The following CLASP1 variants were observed in gnomAD, a reference collection of about 807,000 sequenced individuals.
CLASP1 encodes CLIP-associating protein 1.
A neutral mutation model predicts 192.3 loss-of-function variants in CLASP1; 38 were observed. That is an observed-to-expected ratio of 0.20 (90% CI 0.15 to 0.26). The LOEUF is 0.26. CLASP1 is among the 10% of genes least tolerant of loss of function. The pLI is 1.00. For synonymous variants in CLASP1, 691 were observed against 712.8 expected (o/e 0.97, Z 0.49); for missense variants, 1,433 against 1,932.5 (o/e 0.74, Z 4.85).
chr2:121,392,670 T>C (rs887211126), intron 30 of CLASP1, among the ~76,000 whole-genome samples: 1 of 152,206 alleles, frequency 6.6e-6, no homozygotes, highest in African/African-American at 2.4e-5. Context: ...CAGAGGCAGA[T>C]GTCAAATGGA....
At chr2:121,424,507 AAGTT>A (rs1489899509) in intron 22 of CLASP1, among the ~76,000 whole-genome samples, 3 of 152,220 alleles carry the variant, frequency 2.0e-5, no homozygotes, top group Admixed American at 6.5e-5. Context: ...TATATTTAAA[AAGTT>A]AGCGTATGAA....
At chr2:121,499,937 T>C (rs2093676297) in intron 8 of CLASP1, among the ~76,000 whole-genome samples, 1 of 152,156 alleles carries the variant, frequency 6.6e-6, no homozygotes, top group Non-Finnish European at 1.5e-5. Flanking sequence ...CAGACGAGGA[T>C]GTCCTGTCTC....
chr2:121,623,083 A>C (rs181415022), intron 1 of CLASP1, among the ~76,000 whole-genome samples: 1 of 151,978 alleles, frequency 6.6e-6, no homozygotes, highest in East Asian at 1.9e-4. Context: ...TATATATATA[A>C]ATTTTAAAAA....
chr2:121,340,226 C>T (rs1465463001), exon 40 of CLASP1: 2 of 152,204 alleles, frequency 1.3e-5, no homozygotes, highest in African/African-American at 4.8e-5. Flanking sequence ...TGTCAGGGTG[C>T]ACTCCCAATT....
intron 22 of CLASP1, among the ~76,000 whole-genome samples, chr2:121,419,813 C>T (rs2079189262): frequency 6.6e-6 from 1 of 152,090 alleles, no homozygotes; most frequent in African/African-American, 2.4e-5. Context: ...GGACAATATA[C>T]GTTTCCATCC....
intron 6 of CLASP1, among the ~76,000 whole-genome samples, chr2:121,516,847 T>G (rs113947804): frequency 0.039 from 5,858 of 151,604 alleles, 153 homozygotes; most frequent in East Asian, 0.14. Flanking sequence ...GCCAACATGG[T>G]GAAACCTTGT....
intron 2 of CLASP1, among the ~76,000 whole-genome samples, chr2:121,531,439 C>T (rs560163711): frequency 3.3e-5 from 5 of 150,368 alleles, no homozygotes; most frequent in South Asian, 4.2e-4. Context: ...CCTAAAAATA[C>T]AAAAAATTAG....
intron 12 of CLASP1, 62 bp downstream of exon 12, chr2:121,459,918 A>G (rs1255150129): frequency 6.8e-7 from 1 of 1,468,020 alleles, no homozygotes; most frequent in Admixed American, 2.2e-5. Context: ...TCAAGGAGAC[A>G]TCTCTGAAGC....
At chr2:121,380,331 C>G (rs1001226559) in intron 33 of CLASP1, among the ~76,000 whole-genome samples, 2 of 152,160 alleles carry the variant, frequency 1.3e-5, no homozygotes, top group African/African-American at 4.8e-5. Flanking sequence ...TGTCTTGTTT[C>G]AGCCCTGAGA....
rs369131758 is a variant in CLASP1, at chr2:121,582,161, G to T, written c.195+23540C>A. On this transcript the variant is annotated intron_variant, in intron 2 of 39. Transcript: ENST00000263710. ...CTGGGCGACAGATAATCTGTAGAAA[G>T]AAAGAAGAAAGGAAGGAAAAAAAGG... Among the ~76,000 whole-genome samples the T allele has an allele frequency of 5.0e-4, 75 of 148,860 alleles. 1 individual carries two copies. The South Asian group carries it at 5.9e-3, about 12-fold the overall frequency.
chr2:121,606,517 G>A (rs2064432826), intron 1 of CLASP1, among the ~76,000 whole-genome samples: 1 of 152,086 alleles, frequency 6.6e-6, no homozygotes, highest in Non-Finnish European at 1.5e-5. Context: ...TTTCCCACCA[G>A]AAATCTAACA....
intron 34 of CLASP1, among the ~76,000 whole-genome samples, chr2:121,375,499 GA>G: frequency 6.6e-6 from 1 of 151,908 alleles, no homozygotes; most frequent in African/African-American, 2.4e-5. Flanking sequence ...GAGTAGCTGG[GA>G]CTACAGGTGT....
chr2:121,612,406 G>A (rs116071256), intron 1 of CLASP1, among the ~76,000 whole-genome samples: 3,090 of 151,818 alleles, frequency 0.02, 61 homozygotes, highest in Non-Finnish European at 0.035. Context: ...GGAGTTGGAG[G>A]AGGAGGATTT....
At chr2:121,401,649 A>C (rs1293852513) in exon 28 of CLASP1, 1 of 1,611,128 alleles carries the variant, frequency 6.2e-7, no homozygotes, top group Admixed American at 1.7e-5. Context: ...AATCCACAAG[A>C]GTCTCCAAAA....
At position 121,467,485 on chromosome 2, in the gene CLASP1, T is replaced by G. The variant is rs182288233; in HGVS notation, c.865+2323A>C. 4.9e-3 allele frequency among the ~76,000 whole-genome samples: 748 copies of G among 152,318 alleles called. 8 individuals carry two copies. The highest frequency in any genetic ancestry group is 0.017 in the African/African-American group (725 of 41,578). Reference sequence around the variant, plus strand: ...CGCCAGCATCTATTGTTTTTCTGAATTTTTAATAATAGCCATTCTGACTGG... The same window carrying G: ...CGCCAGCATCTATTGTTTTTCTGAAGTTTTAATAATAGCCATTCTGACTGG... On this transcript the variant is annotated intron_variant, in intron 9 of 39. Transcript: ENST00000263710.
intron 30 of CLASP1, among the ~76,000 whole-genome samples, chr2:121,393,855 G>A (rs1190154320): frequency 6.7e-5 from 10 of 150,144 alleles, no homozygotes; most frequent in East Asian, 1.9e-4. Flanking sequence ...TTAGAGCCAC[G>A]GATATCTTGG....
intron 1 of CLASP1, among the ~76,000 whole-genome samples, chr2:121,627,594 T>C (rs954005579): frequency 6.6e-6 from 1 of 152,242 alleles, no homozygotes; most frequent in Admixed American, 6.5e-5. Flanking sequence ...TAGGTGTACC[T>C]GAGCATGAGA....
chr2:121,447,073 G>A (rs1258718238), intron 19 of CLASP1, among the ~76,000 whole-genome samples: 1 of 152,166 alleles, frequency 6.6e-6, no homozygotes, highest in Non-Finnish European at 1.5e-5. Context: ...GTTGAGGAAA[G>A]GACGTGCTCA....
At chr2:121,616,997 G>A (rs1219036041) in intron 1 of CLASP1, among the ~76,000 whole-genome samples, 3 of 152,200 alleles carry the variant, frequency 2.0e-5, no homozygotes, top group African/African-American at 7.2e-5. Flanking sequence ...AAATGCTGTA[G>A]GTAGAAGAGG....
Sources: allele counts gnomAD v4.1 joint callset (sites outside exome capture counted in the v4.1 genomes callset), GRCh38; gene constraint gnomAD v4.1.1; transcripts MANE v1.5; gene names NCBI Gene and HGNC (gene_info 2026-07-23, HGNC 2026-07-21).